The following CLNS1A variants were observed in gnomAD, a reference collection of about 807,000 sequenced individuals.
The protein encoded by CLNS1A is chloride nucleotide-sensitive channel 1A, also known as methylosome subunit pICln.
A neutral mutation model predicts 29.4 loss-of-function variants in CLNS1A; 16 were observed. The ratio of observed to expected loss-of-function variants is 0.54; its 90% CI spans 0.37 to 0.83. The LOEUF (loss-of-function observed/expected upper bound fraction) is 0.83. Among genes scored for constraint, CLNS1A ranks in the 40% least tolerant of loss-of-function variants. CLNS1A has a pLI of 0.00. For missense variants in CLNS1A, 235 were observed against 287.4 expected, an observed-to-expected ratio of 0.82 and a Z score of 1.32; for synonymous variants, 96 against 104.8, an observed-to-expected ratio of 0.92 and a Z score of 0.51.
chr11:77,624,865 A>C lies in CLNS1A; in HGVS notation c.472+98T>G, dbSNP rs1481948628. On this transcript the variant is annotated intron_variant, in intron 4 of 6. Transcript: ENST00000525428. ...TTACCATACTGCATACTTTACAGTC[A>C]TATAAAGAACTATAATCCTCTACCC... 5.6e-6 allele frequency: 4 copies of C among 719,650 alleles called. No individual in the cohort carries two copies. In the Admixed American group the frequency reaches 1.1e-4, roughly 20 times the overall value. The allele number at this position is 719,650 out of a possible 1,614,324, so 44.6% of individuals were successfully genotyped here. A position where few individuals can be genotyped will look rare whatever the true frequency, so the allele number is the denominator to read the frequency against.
At chr11:77,632,149 T>A (rs533765617) in intron 1 of CLNS1A, among the ~76,000 whole-genome samples, 1 of 152,240 alleles carries the variant, frequency 6.6e-6, no homozygotes, top group Non-Finnish European at 1.5e-5. Context: ...AATGAGGTTA[T>A]GTGCTGTATG....
chr11:77,633,967 G>C (rs1304724433), intron 1 of CLNS1A, among the ~76,000 whole-genome samples: 1 of 152,064 alleles, frequency 6.6e-6, no homozygotes, highest in East Asian at 1.9e-4. Context: ...AGGCATGGTG[G>C]TGCATGCCTG....
intron 5 of CLNS1A, 100 bp from the exon 6 acceptor site, chr11:77,619,795 G>A (rs1479171499): frequency 1.2e-6 from 1 of 820,046 alleles, no homozygotes; most frequent in East Asian, 2.5e-5. Flanking sequence ...GCCCTCTGCT[G>A]GTAAGAATTG....
intron 4 of CLNS1A, among the ~76,000 whole-genome samples, chr11:77,624,749 G>A (rs1007788038): frequency 3.3e-5 from 5 of 152,090 alleles, no homozygotes; most frequent in African/African-American, 4.8e-5. Context: ...AACCTAGGAG[G>A]CAGAGGTTGC....
At chr11:77,627,429 C>A (rs1269641980) in intron 2 of CLNS1A, among the ~76,000 whole-genome samples, 2 of 148,636 alleles carry the variant, frequency 1.3e-5, no homozygotes, top group African/African-American at 5.0e-5. Flanking sequence ...CAGAGCAAGA[C>A]TCCATCTCAA....
rs756560884 is a variant in CLNS1A, at chr11:77,628,425, C to T, written c.262+1338G>A. Among the ~76,000 whole-genome samples, 244 of 152,210 alleles carry T rather than the reference C, an allele frequency of 1.6e-3. 6 individuals are homozygous for T. The highest frequency in any genetic ancestry group is 4.7e-4 in the Non-Finnish European group (32 of 68,038). On this transcript the variant is annotated intron_variant, in intron 2 of 6. Coordinates refer to ENST00000525428, the MANE Select transcript of CLNS1A (RefSeq NM_001293.3). ...AATGCCTTATTAGGAAGTCTTACTA[C>T]ACTACTACACCCCAAGGTTAACAGC...
At chr11:77,637,453 T>A in intron 1 of CLNS1A, 137 bp downstream of exon 1, 3 of 1,102,916 alleles carry the variant, frequency 2.7e-6, no homozygotes, top group East Asian at 2.7e-5. Context: ...GCTACAGGTA[T>A]CCCTGAGGCG....
chr11:77,627,049 A>G (rs1160136757), intron 2 of CLNS1A, among the ~76,000 whole-genome samples: 2 of 151,898 alleles, frequency 1.3e-5, no homozygotes, highest in African/African-American at 4.8e-5. Context: ...AAAAAAAAAA[A>G]ACTTAGAGCT....
At chr11:77,634,745 AT>A (rs1713322952) in intron 1 of CLNS1A, among the ~76,000 whole-genome samples, 3 of 151,478 alleles carry the variant, frequency 2.0e-5, no homozygotes, top group African/African-American at 4.9e-5. Context: ...AAAAAAAAAA[AT>A]CTTAAAGAAG....
intron 4 of CLNS1A, among the ~76,000 whole-genome samples, chr11:77,623,683 T>G (rs1314311872): frequency 6.6e-6 from 1 of 152,072 alleles, no homozygotes; most frequent in Non-Finnish European, 1.5e-5. Flanking sequence ...AGGATATATT[T>G]GGATATATTT....
At chr11:77,621,351 A>T (rs1958956474) in intron 5 of CLNS1A, among the ~76,000 whole-genome samples, 1 of 152,100 alleles carries the variant, frequency 6.6e-6, no homozygotes, top group Non-Finnish European at 1.5e-5. Flanking sequence ...CACACACAAA[A>T]GGACACAAGA....
At chr11:77,623,829 T>G (rs951466489) in intron 4 of CLNS1A, among the ~76,000 whole-genome samples, 5 of 152,174 alleles carry the variant, frequency 3.3e-5, no homozygotes, top group African/African-American at 1.2e-4. Flanking sequence ...AGCAGGTACT[T>G]CAAGCTATAA....
rs1554978158 is a variant in CLNS1A at position 77,615,319 on chromosome 11, CTG to C, written c.*1397_*1398del. ...TGTACTGGCCATTGAAATGTTAACACTGAAACCCTGCAGCAGTGGGGAGAGTG... is the reference window on the plus strand; with the variant it reads ...TGTACTGGCCATTGAAATGTTAACACAAACCCTGCAGCAGTGGGGAGAGTG... On this transcript the variant is annotated 3_prime_UTR_variant, in exon 7 of 7. Coordinates refer to ENST00000525428, the MANE Select transcript of CLNS1A (RefSeq NM_001293.3). 5 of 152,160 alleles carry C rather than the reference CTG, an allele frequency of 3.3e-5. No homozygotes were observed. The highest frequency in any genetic ancestry group is 7.3e-5 in the Non-Finnish European group (5 of 68,040). The allele number at this position is 152,160 out of a possible 1,614,324, so 9.4% of individuals were successfully genotyped here.
intron 4 of CLNS1A, among the ~76,000 whole-genome samples, chr11:77,624,650 T>C (rs921414814): frequency 2.0e-5 from 3 of 151,990 alleles, no homozygotes; most frequent in Non-Finnish European, 4.4e-5. Context: ...AGAAACCCCA[T>C]CTCTACTAAA....
chr11:77,619,415 C>G, intron 6 of CLNS1A, 191 bp downstream of exon 6: 1 of 541,654 alleles, frequency 1.8e-6, no homozygotes, highest in South Asian at 2.2e-5. Flanking sequence ...GCCTATAGTC[C>G]CAGCTATTTG....
At chr11:77,635,728 G>A (rs1033523659) in intron 1 of CLNS1A, among the ~76,000 whole-genome samples, 5 of 152,058 alleles carry the variant, frequency 3.3e-5, no homozygotes, top group East Asian at 1.9e-4. Flanking sequence ...TGAAAGAAGC[G>A]TCAACATACA....
intron 5 of CLNS1A, 91 bp from the exon 6 acceptor site, chr11:77,619,786 C>G: frequency 1.1e-6 from 1 of 895,394 alleles, no homozygotes; most frequent in South Asian, 1.4e-5. Flanking sequence ...GAAGCTAGTG[C>G]CCTCTGCTGG....
chr11:77,621,840 G>C (rs1266468994), intron 5 of CLNS1A: 2 of 397,024 alleles, frequency 5.0e-6, no homozygotes, highest in Non-Finnish European at 1.0e-5. Context: ...TAATCAGCTG[G>C]AGGCCTCAAT....
At chr11:77,634,882 C>T (rs1210926663) in intron 1 of CLNS1A, among the ~76,000 whole-genome samples, 2 of 152,172 alleles carry the variant, frequency 1.3e-5, no homozygotes, top group African/African-American at 4.8e-5. Flanking sequence ...GCAGCCTCAA[C>T]TGCCCAGGCT....
Sources: allele counts gnomAD v4.1 joint callset (sites outside exome capture counted in the v4.1 genomes callset), GRCh38; gene constraint gnomAD v4.1.1; transcripts MANE v1.5; gene names NCBI Gene and HGNC (gene_info 2026-07-23, HGNC 2026-07-21).